The following FKTN variants were observed in gnomAD, a reference collection of about 807,000 sequenced individuals.
The protein encoded by FKTN is ribitol-5-phosphate transferase FKTN.
In FKTN, 47 loss-of-function variants were observed where a neutral mutation model predicts 58.6. The ratio of observed to expected loss-of-function variants is 0.80; its 90% CI spans 0.63 to 1.02. The LOEUF is 1.02. FKTN is among the 50% of genes least tolerant of loss of function. The pLI is 0.00. For missense variants in FKTN, 516 were observed against 537.3 expected (o/e 0.96, Z 0.39); for synonymous variants, 178 against 191.9 (o/e 0.93, Z 0.60).
chr9:105,582,022 G>A (rs1031004515), intron 3 of FKTN, among the ~76,000 whole-genome samples: 5 of 152,194 alleles, frequency 3.3e-5, no homozygotes, highest in South Asian at 4.1e-4. Context: ...GCCCTGCTTC[G>A]GCTCGCGCAC....
rs529771802 is a variant in FKTN, at chr9:105,638,277, G to A, written c.*3013G>A. Reference sequence around the variant, plus strand: ...TGCTTCATTGAGGCTAAGTCTCAGGGTGTTTCTGCCGCTTAGTATCTTTTT... The same window carrying A: ...TGCTTCATTGAGGCTAAGTCTCAGGATGTTTCTGCCGCTTAGTATCTTTTT... On this transcript the variant is annotated 3_prime_UTR_variant, in exon 11 of 11. Transcript: ENST00000357998. 3.0e-6 allele frequency: 3 copies of A among 985,380 alleles called. No homozygotes were observed. The highest frequency in any genetic ancestry group is 5.2e-4 in the Middle Eastern group (1 of 1,914). The allele number at this position is 985,380 out of a possible 1,614,324, so 61.0% of individuals were successfully genotyped here.
chr9:105,610,395 T>C (rs973337788), intron 7 of FKTN, among the ~76,000 whole-genome samples: 6 of 152,054 alleles, frequency 3.9e-5, no homozygotes, highest in South Asian at 2.1e-4. Context: ...TCCAGTCCGG[T>C]TAAAAGTTCC....
At position 105,594,955 on chromosome 9, in the gene FKTN, A is replaced by G. The variant is rs75131913; in HGVS notation, c.106-1643A>G. Reference sequence around the variant, plus strand: ...AATAGCCAAAAGCTGGAAATAACCTAAATGTTCATCAACTAATGAATGAAT... The same window carrying G: ...AATAGCCAAAAGCTGGAAATAACCTGAATGTTCATCAACTAATGAATGAAT... On this transcript the variant is annotated intron_variant, in intron 3 of 10. Transcript: ENST00000357998. Among the ~76,000 whole-genome samples, 1,378 of 152,328 alleles carry G rather than the reference A, an allele frequency of 9.0e-3. 21 individuals carry two copies. The highest frequency in any genetic ancestry group is 0.032 in the African/African-American group (1,320 of 41,568).
chr9:105,637,846 G>A lies in FKTN; in HGVS notation c.*2582G>A. ...ACTTGTCCTTCTCTCCTCTGCTGCA[G>A]CTACTGATATCTGGCCCCTGGAATA... On this transcript the variant is annotated 3_prime_UTR_variant, in exon 11 of 11. Transcript: ENST00000357998. The A allele has an allele frequency of 1.0e-6, 1 of 985,346 alleles. No individual in the cohort carries two copies. Among genetic ancestry groups the A allele is most frequent in the Middle Eastern group, 5.2e-4 (1 of 1,914 alleles). 61.0% of individuals were successfully genotyped at this position (985,346 alleles called of 1,614,324 possible).
At chr9:105,591,654 G>T (rs1032123802) in intron 3 of FKTN, among the ~76,000 whole-genome samples, 1 of 152,106 alleles carries the variant, frequency 6.6e-6, no homozygotes, top group Non-Finnish European at 1.5e-5. Flanking sequence ...GCAGGTTACT[G>T]GTGGATCTAC....
Position 105,630,253 on chromosome 9 carries a change from G to A in FKTN, c.1173-4798G>A, listed in dbSNP as rs898369648. On this transcript the variant is annotated intron_variant, in intron 10 of 10. Coordinates refer to ENST00000357998, the MANE Select transcript of FKTN (RefSeq NM_001079802.2). ...GATGGCTGGCTTTAGTTTATACTCA[G>A]CTGTGTTACATTAACTCTCTCAAAA... is the stretch of plus-strand genomic sequence containing the variant. Among the ~76,000 whole-genome samples, 2 of 152,200 alleles carry A rather than the reference G, an allele frequency of 1.3e-5. 1 individual carries two copies. The highest frequency in any genetic ancestry group is 4.2e-4 in the South Asian group (2 of 4,818).
chr9:105,598,952 CAA>C (rs1234230010), intron 4 of FKTN, among the ~76,000 whole-genome samples: 11 of 147,070 alleles, frequency 7.5e-5, no homozygotes, highest in Non-Finnish European at 1.5e-4. Flanking sequence ...CACACACACA[CAA>C]AATAGCTAAA....
chr9:105,563,603 G>C (rs999551055), intron 1 of FKTN, among the ~76,000 whole-genome samples: 6 of 152,228 alleles, frequency 3.9e-5, no homozygotes, highest in African/African-American at 9.6e-5. Context: ...GAGGCTGGGG[G>C]GGGGGGCACC....
chr9:105,616,928 A>G (rs1203095372), intron 8 of FKTN, among the ~76,000 whole-genome samples: 2 of 150,784 alleles, frequency 1.3e-5, no homozygotes, highest in Non-Finnish European at 3.0e-5. Flanking sequence ...TATTTGCTTT[A>G]AGGTTTAATT....
intron 10 of FKTN, chr9:105,633,299 T>C (rs939549011): frequency 1.3e-5 from 2 of 152,238 alleles, no homozygotes; most frequent in African/African-American, 4.8e-5. Flanking sequence ...GTAAAATTTG[T>C]AGTATTCCCT....
chr9:105,609,851 G>C (rs118127770), intron 7 of FKTN, among the ~76,000 whole-genome samples: 1 of 152,100 alleles, frequency 6.6e-6, no homozygotes, highest in Non-Finnish European at 1.5e-5. Context: ...CTGAAACTTC[G>C]TATCTTTACC....
chr9:105,589,041 G>C (rs1454940673), intron 3 of FKTN, among the ~76,000 whole-genome samples: 1 of 152,160 alleles, frequency 6.6e-6, no homozygotes, highest in Non-Finnish European at 1.5e-5. Flanking sequence ...GCCACTGAGT[G>C]CCAATAACTC....
rs1827806139 is a variant in FKTN at position 105,601,148 on chromosome 9, G to A, written c.169G>A (p.Ala57Thr). 6.4e-7 allele frequency: 1 copy of A among 1,574,772 alleles called. No homozygotes were observed. The highest frequency in any genetic ancestry group is 8.7e-7 in the Non-Finnish European group (1 of 1,145,690). The change falls in exon 5 of 11, where the codon GCA (alanine) becomes ACA (threonine). Residue 57 changes from alanine (A) to threonine (T), a missense_variant. By Grantham distance (58) the Ala-to-Thr change is moderately conservative. Transcript: ENST00000357998. ...RIGFDSTQWR[A>T]VKKFIMLTSN... Reference sequence around the variant, plus strand: ...GAATTCTTTTTCTCTCAAACAGCGTGCAGTTAAAAAATTTATTATGTTAAC... The same window carrying A: ...GAATTCTTTTTCTCTCAAACAGCGTACAGTTAAAAAATTTATTATGTTAAC...
chr9:105,636,006 C>T lies in FKTN; in HGVS notation c.*742C>T. 1.0e-6 allele frequency: 1 copy of T among 985,564 alleles called. No individual in the cohort carries two copies. The highest frequency in any genetic ancestry group is 1.2e-6 in the Non-Finnish European group (1 of 830,070). 61.1% of individuals were successfully genotyped at this position (985,564 alleles called of 1,614,324 possible). On this transcript the variant is annotated 3_prime_UTR_variant, in exon 11 of 11. Transcript: ENST00000357998. The stretch of plus-strand genomic sequence containing the variant: ...ATTGTGAGAATATTTTCACTGACCT[C>T]TGATGGCACTTGTTGACAAATCATT...
At chr9:105,572,341 A>G (rs1321649190) in intron 1 of FKTN, among the ~76,000 whole-genome samples, 1 of 152,116 alleles carries the variant, frequency 6.6e-6, no homozygotes, top group African/African-American at 2.4e-5. Context: ...TAAGATGGTA[A>G]AGACATTTGT....
chr9:105,605,824 T>C (rs1352062943), intron 6 of FKTN, among the ~76,000 whole-genome samples: 1 of 152,074 alleles, frequency 6.6e-6, no homozygotes, highest in African/African-American at 2.4e-5. Context: ...TAAGACTGAG[T>C]ATTTGCTAGG....
At chr9:105,577,486 C>T (rs12000486) in intron 3 of FKTN, among the ~76,000 whole-genome samples, 15,512 of 144,508 alleles carry the variant, frequency 0.11, 1,293 homozygotes, top group African/African-American at 0.23. Context: ...TGTAGGTATG[C>T]GGCATTATTT....
chr9:105,638,822 GA>G lies in FKTN; in HGVS notation c.*3559del. On this transcript the variant is annotated 3_prime_UTR_variant, in exon 11 of 11. Transcript: ENST00000357998. ...GAATAGATTGTACTCATTCCTTTTT[GA>G]GTTTGTGACCTCAAACCATTGTTTT... 2.0e-6 allele frequency: 2 copies of G among 984,120 alleles called. No individual in the cohort carries two copies. Among genetic ancestry groups the G allele is most frequent in the South Asian group, 9.4e-5 (2 of 21,258 alleles). 61.0% of individuals were successfully genotyped at this position (984,120 alleles called of 1,614,324 possible).
intron 10 of FKTN, among the ~76,000 whole-genome samples, chr9:105,631,861 G>A (rs1423787589): frequency 8.6e-5 from 13 of 150,708 alleles, no homozygotes; most frequent in African/African-American, 2.9e-4. Flanking sequence ...TCAGTGTGGC[G>A]ACTCCTCAGG....
Sources: allele counts gnomAD v4.1 joint callset (sites outside exome capture counted in the v4.1 genomes callset), GRCh38; gene constraint gnomAD v4.1.1; transcripts MANE v1.5; gene names NCBI Gene and HGNC (gene_info 2026-07-23, HGNC 2026-07-21).